MAPK8: variants seen among roughly 807,000 people sequenced by gnomAD.
MAPK8 encodes the protein JUN N-terminal kinase.
In MAPK8, 13 loss-of-function variants were observed where a neutral mutation model predicts 52.9. The ratio of observed to expected loss-of-function variants is 0.25; its 90% CI spans 0.16 to 0.39. MAPK8 has a LOEUF of 0.39. MAPK8 is among the 10% of genes least tolerant of loss of function. MAPK8 has a pLI of 1.00. For synonymous variants in MAPK8, 191 were observed against 169.8 expected (o/e 1.12, Z -0.97); for missense variants, 300 against 519.2 (o/e 0.58, Z 4.10).
intron 1 of MAPK8, among the ~76,000 whole-genome samples, chr10:48,379,305 T>C (rs1236363979): frequency 6.6e-6 from 1 of 152,224 alleles, no homozygotes; most frequent in South Asian, 2.1e-4. Context: ...TTAGGTCAAG[T>C]CTTTCCAAGG....
chr10:48,357,416 A>T (rs911578228), intron 1 of MAPK8, among the ~76,000 whole-genome samples: 1 of 152,150 alleles, frequency 6.6e-6, no homozygotes, highest in Non-Finnish European at 1.5e-5. Flanking sequence ...GTGTTTTGAG[A>T]CAGGGTCTCG....
chr10:48,377,767 G>T (rs770022382), intron 1 of MAPK8, among the ~76,000 whole-genome samples: 15 of 152,070 alleles, frequency 9.9e-5, no homozygotes, highest in African/African-American at 3.4e-4. Flanking sequence ...TATTATATGA[G>T]AAATAAATAA....
chr10:48,317,633 G>A (rs1221226480), intron 1 of MAPK8, among the ~76,000 whole-genome samples: 1 of 152,218 alleles, frequency 6.6e-6, no homozygotes, highest in Non-Finnish European at 1.5e-5. Context: ...ATGTAGGAAA[G>A]GGGATGCAGA....
At chr10:48,307,087 T>A (rs1374450119) in intron 1 of MAPK8, 1 of 152,310 alleles carries the variant, frequency 6.6e-6, no homozygotes, top group African/African-American at 2.4e-5. Context: ...CCGCCTGTCC[T>A]CTCGCGTCCT....
At chr10:48,421,996 TTTTA>T (rs2043386339) in intron 6 of MAPK8, among the ~76,000 whole-genome samples, 1 of 143,944 alleles carries the variant, frequency 6.9e-6, no homozygotes, top group Non-Finnish European at 1.5e-5. Context: ...CTCACACTCA[TTTTA>T]TTTATCTTAT....
intron 1 of MAPK8, among the ~76,000 whole-genome samples, chr10:48,369,987 G>A (rs1848400653): frequency 6.6e-6 from 1 of 152,126 alleles, no homozygotes; most frequent in Non-Finnish European, 1.5e-5. Context: ...TAAGGAGAAA[G>A]AGTGGGTAGA....
chr10:48,328,072 A>G (rs546388668), intron 1 of MAPK8, among the ~76,000 whole-genome samples: 3 of 152,170 alleles, frequency 2.0e-5, no homozygotes, highest in African/African-American at 7.2e-5. Flanking sequence ...GCTGGAATGC[A>G]GTGGTGCGAT....
intron 1 of MAPK8, among the ~76,000 whole-genome samples, chr10:48,352,232 C>T (rs1846411357): frequency 6.6e-6 from 1 of 151,170 alleles, no homozygotes; most frequent in Non-Finnish European, 1.5e-5. Flanking sequence ...TCTGTGTAGT[C>T]TCTGCCAGAA....
At chr10:48,410,271 G>A in intron 5 of MAPK8, 103 bp downstream of exon 5, 1 of 932,296 alleles carries the variant, frequency 1.1e-6, no homozygotes, top group Non-Finnish European at 1.5e-6. Context: ...TACATTCACA[G>A]TGCTGTACAA....
Position 48,439,356 on chromosome 10 carries a change from T to C in MAPK8, c.*4327T>C, listed in dbSNP as rs995945973. 2 of 151,476 alleles carry C rather than the reference T, an allele frequency of 1.3e-5. No individual in the cohort carries two copies. Among genetic ancestry groups the C allele is most frequent in the South Asian group, 2.1e-4 (1 of 4,756 alleles). 9.4% of individuals were successfully genotyped at this position (151,476 alleles called of 1,614,324 possible). A position where few individuals can be genotyped will look rare whatever the true frequency, so the allele number is the denominator to read the frequency against. On this transcript the variant is annotated 3_prime_UTR_variant, in exon 12 of 12. Transcript: ENST00000374189. ...AAAGAAAAAAGTGGTATGAAAATTA[T>C]GAAATTAAGAGTTTTTTCATTGAAA... is the stretch of plus-strand genomic sequence containing the variant.
At chr10:48,366,783 A>AT (rs1848090619) in intron 1 of MAPK8, among the ~76,000 whole-genome samples, 1 of 151,790 alleles carries the variant, frequency 6.6e-6, no homozygotes, top group South Asian at 2.1e-4. Flanking sequence ...GGGTTGAAAA[A>AT]TTTTTTTTCT....
chr10:48,324,709 G>A (rs2132187671), intron 1 of MAPK8, among the ~76,000 whole-genome samples: 1 of 151,924 alleles, frequency 6.6e-6, no homozygotes, highest in East Asian at 1.9e-4. Context: ...AGTTACTCCT[G>A]TGTACGTTAT....
At chr10:48,359,622 A>G (rs1847333372) in intron 1 of MAPK8, among the ~76,000 whole-genome samples, 1 of 152,204 alleles carries the variant, frequency 6.6e-6, no homozygotes, top group African/African-American at 2.4e-5. Flanking sequence ...TTCCCTGCCT[A>G]TTTGAATACT....
chr10:48,340,103 A>G (rs896772278), intron 1 of MAPK8, among the ~76,000 whole-genome samples: 1 of 152,224 alleles, frequency 6.6e-6, no homozygotes, highest in Non-Finnish European at 1.5e-5. Flanking sequence ...CTGTGCTTGC[A>G]TGTTTGTTGC....
At chr10:48,420,049 G>A (rs986695376) in intron 5 of MAPK8, 106 bp from the exon 6 acceptor site, 3 of 822,380 alleles carry the variant, frequency 3.6e-6, no homozygotes, top group Non-Finnish European at 1.9e-6. Flanking sequence ...TGAGAAAAAC[G>A]AACAATTAAC....
chr10:48,411,617 T>C (rs2042751138), intron 5 of MAPK8, among the ~76,000 whole-genome samples: 1 of 152,204 alleles, frequency 6.6e-6, no homozygotes, highest in Admixed American at 6.5e-5. Context: ...TGTGATGCCA[T>C]ATGAATTTGA....
intron 1 of MAPK8, among the ~76,000 whole-genome samples, chr10:48,400,995 CTG>C (rs2042132185): frequency 1.3e-5 from 2 of 152,178 alleles, no homozygotes; most frequent in Non-Finnish European, 2.9e-5. Context: ...TCTCTCCTTT[CTG>C]TTTTGCTTCT....
intron 1 of MAPK8, among the ~76,000 whole-genome samples, chr10:48,347,240 TTAAA>T (rs2132396049): frequency 6.6e-6 from 1 of 152,228 alleles, no homozygotes; most frequent in African/African-American, 2.4e-5. Flanking sequence ...TAATGGAATA[TTAAA>T]AGTAGATCCA....
At chr10:48,353,364 A>T (rs1589041496) in intron 1 of MAPK8, among the ~76,000 whole-genome samples, 1 of 152,230 alleles carries the variant, frequency 6.6e-6, no homozygotes, top group Non-Finnish European at 1.5e-5. Context: ...TAATCAAGAC[A>T]GTGTAGTATT....
Sources: allele counts gnomAD v4.1 joint callset (sites outside exome capture counted in the v4.1 genomes callset), GRCh38; gene constraint gnomAD v4.1.1; transcripts MANE v1.5; gene names NCBI Gene and HGNC (gene_info 2026-07-23, HGNC 2026-07-21).